GSAP: variants seen among roughly 807,000 people sequenced by gnomAD.
GSAP encodes gamma-secretase activating protein.
GSAP carries 118 observed loss-of-function variants against 131.7 expected under a neutral mutation model. The ratio of observed to expected loss-of-function variants is 0.90; its 90% CI spans 0.77 to 1.04. The LOEUF is 1.04. Among genes scored for constraint, GSAP ranks in the 50% least tolerant of loss-of-function variants. The pLI is 0.00. For missense variants in GSAP, 1,019 were observed against 1,013.2 expected (o/e 1.01, Z -0.08); for synonymous variants, 381 against 363.4 (o/e 1.05, Z -0.55).
chr7:77,381,382 T>C (rs376628502), intron 7 of GSAP, 28 bp from the exon 8 acceptor site: 7 of 1,280,818 alleles, frequency 5.5e-6, no homozygotes, highest in Non-Finnish European at 7.7e-6. Context: ...AGAAAGATAA[T>C]TTAACCTTAA....
At chr7:77,342,953 C>T (rs986983470) in intron 19 of GSAP, among the ~76,000 whole-genome samples, 8 of 152,106 alleles carry the variant, frequency 5.3e-5, no homozygotes, top group African/African-American at 1.9e-4. Context: ...CCTAGTTGAC[C>T]CCATAGATCC....
At chr7:77,327,444 G>A (rs1270592235) in intron 22 of GSAP, 2 of 152,360 alleles carry the variant, frequency 1.3e-5, no homozygotes, top group Admixed American at 6.5e-5. Flanking sequence ...GTAAGGCAGA[G>A]GCTGGTTCCT....
At chr7:77,390,492 T>C (rs1303894970) in intron 5 of GSAP, among the ~76,000 whole-genome samples, 1 of 152,186 alleles carries the variant, frequency 6.6e-6, no homozygotes, top group African/African-American at 2.4e-5. Context: ...CAGTTTCAGC[T>C]TTCTACATAT....
chr7:77,401,478 C>G (rs1384215318), intron 3 of GSAP, among the ~76,000 whole-genome samples: 5 of 151,962 alleles, frequency 3.3e-5, no homozygotes, highest in African/African-American at 1.2e-4. Flanking sequence ...ACTATGAATC[C>G]TGAATTCTAC....
At chr7:77,340,280 G>A (rs1307074256) in intron 19 of GSAP, among the ~76,000 whole-genome samples, 1 of 152,008 alleles carries the variant, frequency 6.6e-6, no homozygotes, top group African/African-American at 2.4e-5. Context: ...ACTCTTTTTG[G>A]ACTCAGCCCA....
At chr7:77,387,857 GA>G (rs1401531667) in intron 5 of GSAP, among the ~76,000 whole-genome samples, 1 of 152,210 alleles carries the variant, frequency 6.6e-6, no homozygotes, top group Non-Finnish European at 1.5e-5. Context: ...TGCATTTACA[GA>G]AAAGCATCAC....
At chr7:77,346,844 G>C (rs1022745927) in intron 19 of GSAP, among the ~76,000 whole-genome samples, 13 of 149,534 alleles carry the variant, frequency 8.7e-5, no homozygotes, top group African/African-American at 3.0e-4. Context: ...GGTATTTTAG[G>C]CTTCGGGACC....
chr7:77,377,321 T>A lies in GSAP; in HGVS notation c.646A>T (p.Met216Leu), dbSNP rs767948037. The A allele has an allele frequency of 2.6e-6, 4 of 1,561,160 alleles. No homozygotes were observed. The Admixed American group carries it at 7.2e-5, about 28-fold the overall frequency. Residue 216 changes from methionine to leucine, a missense_variant, in exon 9 of 31, where the codon ATG becomes TTG. Coordinates refer to ENST00000257626, the MANE Select transcript of GSAP (RefSeq NM_017439.4). ...ATGTAATATAATCTCTGTTCTGACA[T>A]ATCCCACTGAGCCCAAACGAAATCC... Reference protein sequence around the residue: ...AEDFVWAQWDMSEQRLYYIDL... With the variant: ...AEDFVWAQWDLSEQRLYYIDL...
At chr7:77,316,667 T>C (rs1795000744) in intron 26 of GSAP, among the ~76,000 whole-genome samples, 1 of 152,180 alleles carries the variant, frequency 6.6e-6, no homozygotes, top group South Asian at 2.1e-4. Flanking sequence ...CAAATTTCCC[T>C]CTCCAGCCCT....
chr7:77,362,719 C>A (rs1794722462), intron 12 of GSAP, 59 bp from the exon 13 acceptor site: 1 of 969,290 alleles, frequency 1.0e-6, no homozygotes, highest in African/African-American at 1.6e-5. Flanking sequence ...AATAAAGTTT[C>A]CTAAACCACT....
intron 2 of GSAP, among the ~76,000 whole-genome samples, chr7:77,405,198 A>C (rs1802055047): frequency 1.3e-5 from 2 of 152,248 alleles, no homozygotes; most frequent in East Asian, 3.8e-4. Flanking sequence ...AGGTTGAGGC[A>C]GGAGCTCAAG....
At chr7:77,350,858 A>G (rs889663745) in intron 18 of GSAP, among the ~76,000 whole-genome samples, 1 of 152,262 alleles carries the variant, frequency 6.6e-6, no homozygotes, top group African/African-American at 2.4e-5. Flanking sequence ...GTTAAAACAG[A>G]AATTTAATAA....
At chr7:77,313,761 T>C (rs1794673772) in intron 27 of GSAP, among the ~76,000 whole-genome samples, 1 of 152,238 alleles carries the variant, frequency 6.6e-6, no homozygotes, top group African/African-American at 2.4e-5. Context: ...AGCAATTTTA[T>C]TGACTAACTT....
chr7:77,413,410 C>T (rs1447938231), intron 1 of GSAP, among the ~76,000 whole-genome samples: 2 of 152,250 alleles, frequency 1.3e-5, no homozygotes, highest in African/African-American at 4.8e-5. Flanking sequence ...CAGCTGAAGA[C>T]TGCCTGCTGA....
intron 14 of GSAP, among the ~76,000 whole-genome samples, chr7:77,357,135 C>G (rs1168051280): frequency 6.6e-6 from 1 of 152,112 alleles, no homozygotes; most frequent in Non-Finnish European, 1.5e-5. Flanking sequence ...AAATATATGA[C>G]AGTGATTTGG....
chr7:77,411,100 A>G (rs1209443769), intron 1 of GSAP, among the ~76,000 whole-genome samples: 2 of 28,826 alleles, frequency 6.9e-5, no homozygotes, highest in South Asian at 4.1e-3. Flanking sequence ...GAAAATAGTA[A>G]AAAAAAAAAA....
chr7:77,395,759 G>A (rs1022105457), intron 5 of GSAP, among the ~76,000 whole-genome samples: 4 of 152,196 alleles, frequency 2.6e-5, no homozygotes, highest in African/African-American at 7.2e-5. Flanking sequence ...GCCTCATGTG[G>A]AAAGTAAGTA....
In GSAP at chr7:77,353,564, A is replaced by G. The variant is rs371664985; in HGVS notation, c.1408+8T>C. On this transcript the variant is annotated splice_region_variant and intron_variant, in intron 17 of 30. Transcript: ENST00000257626. The stretch of plus-strand genomic sequence containing the variant: ...TTCAACTTAAGCTGCAACATCAGCA[A>G]CACTTACCAATTATAAATTCCTGAA... 1.3e-6 allele frequency: 2 copies of G among 1,594,308 alleles called. No individual in the cohort carries two copies. The highest frequency in any genetic ancestry group is 1.7e-5 in the Admixed American group (1 of 59,704).
chr7:77,355,353 A>T lies in GSAP; in HGVS notation c.1198T>A (p.Ser400Thr). ...AGCAGTGCTCTATAGAGCTTTCCAGAACAACAATCCAATACCAGGGACCCT... is the reference window on the plus strand; with the variant it reads ...AGCAGTGCTCTATAGAGCTTTCCAGTACAACAATCCAATACCAGGGACCCT... Reference protein sequence around the residue: ...LSGSLVLDCCSGKLYRALLSQ... With the variant: ...LSGSLVLDCCTGKLYRALLSQ... The change falls in exon 16 of 31, where the codon TCT becomes ACT. Residue 400 changes from serine (S) to threonine (T), a missense_variant. By Grantham distance (58) the Ser-to-Thr change is moderately conservative (BLOSUM62 1). Coordinates refer to ENST00000257626, the MANE Select transcript of GSAP (RefSeq NM_017439.4). 1 of 1,613,450 alleles carries T rather than the reference A, an allele frequency of 6.2e-7. No homozygotes were observed. The highest frequency in any genetic ancestry group is 2.2e-5 in the East Asian group (1 of 44,870).
Sources: gnomAD v4.1 joint callset for allele counts (sites outside exome capture counted in the v4.1 genomes callset) on GRCh38, gnomAD v4.1.1 for gene constraint, MANE v1.5 for transcripts, NCBI Gene and HGNC (gene_info 2026-07-23, HGNC 2026-07-21) for gene names.